TMEM132B: variants seen among roughly 807,000 people sequenced by gnomAD.
TMEM132B encodes the protein transmembrane protein 132B.
Under a neutral mutation model 90.8 loss-of-function variants are expected in TMEM132B, and 18 were observed. That is an observed-to-expected ratio of 0.20 (90% CI 0.14 to 0.29). The LOEUF (loss-of-function observed/expected upper bound fraction) is 0.29. TMEM132B is among the 10% of genes least tolerant of loss of function. TMEM132B has a pLI of 1.00. For synonymous variants in TMEM132B, 504 were observed against 523.3 expected, an observed-to-expected ratio of 0.96 and a Z score of 0.50; for missense variants, 1,096 against 1,326.8, an observed-to-expected ratio of 0.83 and a Z score of 2.70.
At chr12:125,283,150 G>A (rs1014991705) in intron 1 of TMEM132B, among the ~76,000 whole-genome samples, 14 of 152,092 alleles carry the variant, frequency 9.2e-5, no homozygotes, top group Non-Finnish European at 1.0e-4. Context: ...ACAAGTCCCA[G>A]GGGACTTGCC....
intron 3 of TMEM132B, among the ~76,000 whole-genome samples, chr12:125,516,689 C>G (rs1419620096): frequency 6.6e-6 from 1 of 152,186 alleles, no homozygotes; most frequent in Non-Finnish European, 1.5e-5. Flanking sequence ...ATGAATCTAG[C>G]AGGATGAAAT....
intron 6 of TMEM132B, among the ~76,000 whole-genome samples, chr12:125,644,701 C>G (rs1415183466): frequency 6.6e-6 from 1 of 152,050 alleles, no homozygotes; most frequent in Non-Finnish European, 1.5e-5. Flanking sequence ...TGGTTAAGAC[C>G]GTGGGCTGTG....
At chr12:125,240,233 T>C (rs1874034912) in intron 1 of TMEM132B, among the ~76,000 whole-genome samples, 1 of 152,198 alleles carries the variant, frequency 6.6e-6, no homozygotes, top group Non-Finnish European at 1.5e-5. Context: ...TGAGTGTCTC[T>C]GGGCTATGGC....
intron 3 of TMEM132B, among the ~76,000 whole-genome samples, chr12:125,501,665 G>A (rs1051282675): frequency 6.6e-6 from 1 of 152,038 alleles, no homozygotes; most frequent in Non-Finnish European, 1.5e-5. Flanking sequence ...TCCCAATTTT[G>A]TGGGATGCCA....
At chr12:125,514,693 C>T (rs1470612573) in intron 3 of TMEM132B, among the ~76,000 whole-genome samples, 1 of 152,206 alleles carries the variant, frequency 6.6e-6, no homozygotes, top group Non-Finnish European at 1.5e-5. Context: ...TTCAAGCTTT[C>T]GAACTTGCCC....
chr12:125,479,464 A>C (rs1231645179), intron 3 of TMEM132B, among the ~76,000 whole-genome samples: 1 of 152,234 alleles, frequency 6.6e-6, no homozygotes, highest in African/African-American at 2.4e-5. Flanking sequence ...CTGCAATCCT[A>C]GTCTCTGATA....
At chr12:125,383,201 A>G (rs1398723346) in intron 2 of TMEM132B, among the ~76,000 whole-genome samples, 2 of 152,056 alleles carry the variant, frequency 1.3e-5, no homozygotes, top group Admixed American at 1.3e-4. Context: ...GCAGGATTGC[A>G]GTAGAGTGTG....
intron 3 of TMEM132B, among the ~76,000 whole-genome samples, chr12:125,453,429 C>T (rs1381705642): frequency 6.6e-6 from 1 of 152,122 alleles, no homozygotes. Context: ...TTACTTTTGT[C>T]GACCTCAAAG....
chr12:125,560,713 T>C (rs1176191701), intron 4 of TMEM132B, among the ~76,000 whole-genome samples: 1 of 151,364 alleles, frequency 6.6e-6, no homozygotes, highest in Non-Finnish European at 1.5e-5. Flanking sequence ...TAGTCCCAGC[T>C]ACTCGGGAGG....
intron 4 of TMEM132B, among the ~76,000 whole-genome samples, chr12:125,571,264 C>T (rs569631732): frequency 4.2e-4 from 64 of 152,258 alleles, no homozygotes; most frequent in African/African-American, 1.5e-3. Flanking sequence ...TGGAATCTTT[C>T]AGCTTCAGTT....
chr12:125,421,484 C>T (rs1342600427), intron 3 of TMEM132B, among the ~76,000 whole-genome samples: 1 of 152,206 alleles, frequency 6.6e-6, no homozygotes, highest in Non-Finnish European at 1.5e-5. Context: ...GTCATGAGAA[C>T]AGCACAGGAA....
chr12:125,459,521 G>A lies in TMEM132B; in HGVS notation c.1106+43844G>A, dbSNP rs1327225689. Among the ~76,000 whole-genome samples, 1 of 152,188 alleles carries A rather than the reference G, an allele frequency of 6.6e-6. No individual in the cohort carries two copies. The highest frequency in any genetic ancestry group is 1.5e-5 in the Non-Finnish European group (1 of 68,040). Reference sequence around the variant, plus strand: ...GTAAAAGGATGGTTACCAGAAGCTGGAAGGGTAGTAGTAGGGTGTGGTGGG... The same window carrying A: ...GTAAAAGGATGGTTACCAGAAGCTGAAAGGGTAGTAGTAGGGTGTGGTGGG... On this transcript the variant is annotated intron_variant, in intron 3 of 8. Coordinates refer to ENST00000682704, the MANE Select transcript of TMEM132B (RefSeq NM_001366854.1). This position sits in a 1 kb window ranked among gnomAD's most constrained non-coding sequence, Gnocchi z 4.1.
In TMEM132B at chr12:125,459,624, T is replaced by C. The variant is rs989414492; in HGVS notation, c.1106+43947T>C. Among the ~76,000 whole-genome samples the C allele has an allele frequency of 9.8e-5, 15 of 152,302 alleles. No homozygotes were observed. Among genetic ancestry groups the C allele is most frequent in the African/African-American group, 3.6e-4 (15 of 41,568 alleles). On this transcript the variant is annotated intron_variant, in intron 3 of 8. Coordinates refer to ENST00000682704, the MANE Select transcript of TMEM132B (RefSeq NM_001366854.1). The surrounding 1 kb of genome is among the most constrained non-coding windows in gnomAD (Gnocchi z 4.1). ...ATTTGATAGCACAACAGGGTGACTG[T>C]AGTCAATAATAATTTAATTGTATGT...
chr12:125,483,141 T>C (rs1431169413), intron 3 of TMEM132B, among the ~76,000 whole-genome samples: 1 of 152,060 alleles, frequency 6.6e-6, no homozygotes, highest in Non-Finnish European at 1.5e-5. Flanking sequence ...AAATACCTAA[T>C]GTAAATGACG....
At chr12:125,305,350 G>A (rs762910348) in intron 1 of TMEM132B, among the ~76,000 whole-genome samples, 1 of 151,180 alleles carries the variant, frequency 6.6e-6, no homozygotes, top group Non-Finnish European at 1.5e-5. Context: ...GCCGGAGCTC[G>A]TAACTAAAGT....
At position 125,350,040 on chromosome 12, in the gene TMEM132B, C is replaced by T. The variant is rs370220788; in HGVS notation, c.656C>T (p.Thr219Met). 66 of 1,614,092 alleles carry T rather than the reference C, an allele frequency of 4.1e-5. No homozygotes were observed. Among genetic ancestry groups the T allele is most frequent in the Non-Finnish European group, 2.2e-5 (26 of 1,180,040 alleles). ...EEIPALLGGT[T>M]MELFFTLYPA... ...ATCCCAGCCCTGCTCGGGGGCACCA[C>T]GATGGAGCTCTTCTTCACGCTCTAC... The change falls in exon 2 of 9, where the codon ACG becomes ATG. Residue 219 changes from threonine to methionine, a missense_variant. Thr to Met is a moderately conservative substitution (Grantham distance 81). Coordinates refer to ENST00000682704, the MANE Select transcript of TMEM132B (RefSeq NM_001366854.1).
intron 2 of TMEM132B, among the ~76,000 whole-genome samples, chr12:125,350,594 A>G (rs1262830772): frequency 6.6e-6 from 1 of 152,152 alleles, no homozygotes; most frequent in Non-Finnish European, 1.5e-5. Flanking sequence ...GAGTCTCCAT[A>G]GAGCCAGAGA....
intron 4 of TMEM132B, among the ~76,000 whole-genome samples, chr12:125,556,188 T>G (rs1884381064): frequency 2.0e-5 from 3 of 152,250 alleles, no homozygotes; most frequent in South Asian, 4.1e-4. Flanking sequence ...CTCAGTTAAC[T>G]GATTTTTCAT....
rs1032824698 is a variant in TMEM132B at position 125,349,107 on chromosome 12, A to G, written c.68-345A>G. ...GATTGGTAGACTTGGTAGGTACGCA[A>G]CCTTTTATCTGTGGGGTAGATGAAC... is the stretch of plus-strand genomic sequence containing the variant. On this transcript the variant is annotated intron_variant, in intron 1 of 8. Coordinates refer to ENST00000682704, the MANE Select transcript of TMEM132B (RefSeq NM_001366854.1). The surrounding 1 kb of genome is among the most constrained non-coding windows in gnomAD (Gnocchi z 4.1). Among the ~76,000 whole-genome samples the G allele has an allele frequency of 6.6e-6, 1 of 152,222 alleles. No homozygotes were observed. The highest frequency in any genetic ancestry group is 2.4e-5 in the African/African-American group (1 of 41,448).
Sources: allele counts gnomAD v4.1 joint callset (sites outside exome capture counted in the v4.1 genomes callset), GRCh38; gene constraint gnomAD v4.1.1; non-coding constraint Gnocchi (gnomAD v3.1); transcripts MANE v1.5; gene names NCBI Gene and HGNC (gene_info 2026-07-23, HGNC 2026-07-21).